FHOD3: variants seen among roughly 807,000 people sequenced by gnomAD.
FHOD3 encodes formin homology 2 domain containing 3.
In FHOD3, 90 loss-of-function variants were observed where a neutral mutation model predicts 173.0. That is an observed-to-expected ratio of 0.52 (90% CI 0.44 to 0.62). The LOEUF (loss-of-function observed/expected upper bound fraction) is 0.62. Ranked by LOEUF, FHOD3 falls within the 20% of genes least tolerant of loss-of-function variation. The pLI, the probability that FHOD3 is intolerant of heterozygous loss-of-function variation, is 0.00. For missense variants in FHOD3, 1,945 were observed against 2,034.7 expected (o/e 0.96, Z 0.85); for synonymous variants, 828 against 823.0 (o/e 1.01, Z -0.10).
chr18:36,512,904 G>A (rs1027509080), intron 5 of FHOD3, among the ~76,000 whole-genome samples: 2 of 152,162 alleles, frequency 1.3e-5, no homozygotes, highest in Admixed American at 1.3e-4. Context: ...ACCAAAGGGG[G>A]CAATTTATTT....
chr18:36,337,599 G>T (rs1300504961), intron 1 of FHOD3, among the ~76,000 whole-genome samples: 1 of 152,068 alleles, frequency 6.6e-6, no homozygotes, highest in African/African-American at 2.4e-5. Context: ...AAAGACTTGT[G>T]GTCCTCTGCT....
chr18:36,460,973 G>A (rs2052514591), intron 3 of FHOD3, among the ~76,000 whole-genome samples: 1 of 152,186 alleles, frequency 6.6e-6, no homozygotes, highest in Admixed American at 6.5e-5. Flanking sequence ...TGTTGGCAGT[G>A]GTAATTATGG....
At chr18:36,388,415 C>T (rs779181365) in intron 3 of FHOD3, among the ~76,000 whole-genome samples, 4 of 152,234 alleles carry the variant, frequency 2.6e-5, no homozygotes, top group Non-Finnish European at 4.4e-5. Flanking sequence ...CCCAGTCCCA[C>T]TGTGACTGTC....
intron 20 of FHOD3, among the ~76,000 whole-genome samples, chr18:36,732,692 C>CAG (rs1339612961): frequency 1.3e-5 from 2 of 152,084 alleles, no homozygotes; most frequent in Non-Finnish European, 2.9e-5. Context: ...CTGGGAGATA[C>CAG]AGAGAGAGAG....
intron 3 of FHOD3, among the ~76,000 whole-genome samples, chr18:36,416,113 A>C (rs1449876236): frequency 2.0e-5 from 3 of 152,002 alleles, no homozygotes; most frequent in Non-Finnish European, 4.4e-5. Flanking sequence ...GCTCACTGCA[A>C]CCTCTGCCTC....
intron 1 of FHOD3, among the ~76,000 whole-genome samples, chr18:36,326,226 A>C (rs1227367283): frequency 1.3e-5 from 2 of 152,266 alleles, no homozygotes; most frequent in Admixed American, 6.5e-5. Context: ...AGAAAGATTC[A>C]AATATGCCTG....
chr18:36,529,260 G>A (rs899817828), intron 5 of FHOD3, among the ~76,000 whole-genome samples: 1 of 152,190 alleles, frequency 6.6e-6, no homozygotes, highest in Non-Finnish European at 1.5e-5. Flanking sequence ...TTCCTTATCA[G>A]ACTGATAGGG....
chr18:36,513,575 T>C (rs2055781954), intron 5 of FHOD3, among the ~76,000 whole-genome samples: 2 of 152,288 alleles, frequency 1.3e-5, no homozygotes, highest in South Asian at 4.2e-4. Context: ...AAAAGTATGA[T>C]TTAATATCAG....
chr18:36,486,664 T>C (rs1474877758), intron 3 of FHOD3, among the ~76,000 whole-genome samples: 1 of 152,218 alleles, frequency 6.6e-6, no homozygotes, highest in Non-Finnish European at 1.5e-5. Flanking sequence ...GAATCAACCT[T>C]CCTTTTCTTT....
chr18:36,388,798 G>C (rs1482275917), intron 3 of FHOD3, among the ~76,000 whole-genome samples: 1 of 152,146 alleles, frequency 6.6e-6, no homozygotes, highest in Admixed American at 6.5e-5. Context: ...GGAGAATAAG[G>C]GTTTTCTAAA....
Position 36,603,798 on chromosome 18 carries a change from C to T in FHOD3, c.813+1030C>T, listed in dbSNP as rs2031725426. Among the ~76,000 whole-genome samples, 3 of 152,290 alleles carry T rather than the reference C, an allele frequency of 2.0e-5. No individual in the cohort carries two copies. In the South Asian group the frequency reaches 6.2e-4, roughly 32 times the overall value. ...GGATTACAGGCGTGAGCCACTGTGC[C>T]TGGCCAAAATTATTTTTTAAAATCA... On this transcript the variant is annotated intron_variant, in intron 8 of 28. Transcript: ENST00000590592.
intron 28 of FHOD3, 142 bp downstream of exon 28, chr18:36,769,568 A>AC: frequency 1.7e-6 from 2 of 1,173,334 alleles, no homozygotes; most frequent in Admixed American, 5.6e-5. Flanking sequence ...ATCCACAGAA[A>AC]GTTTCAGGGT....
intron 20 of FHOD3, among the ~76,000 whole-genome samples, chr18:36,737,751 A>G (rs2150010834): frequency 6.6e-6 from 1 of 152,346 alleles, no homozygotes; most frequent in Non-Finnish European, 1.5e-5. Context: ...TATCCCAGCC[A>G]GATACGTCCT....
chr18:36,773,542 C>T (rs533805222), intron 28 of FHOD3, among the ~76,000 whole-genome samples: 7 of 152,290 alleles, frequency 4.6e-5, no homozygotes, highest in East Asian at 1.9e-4. Flanking sequence ...TGGCCCTTAC[C>T]GTGTATCAGT....
intron 6 of FHOD3, among the ~76,000 whole-genome samples, chr18:36,580,342 G>C (rs999979959): frequency 6.6e-6 from 1 of 152,170 alleles, no homozygotes; most frequent in Admixed American, 6.5e-5. Flanking sequence ...TTTCCCAAAG[G>C]CAGGTCTAGA....
chr18:36,611,219 A>C (rs2032639143), intron 8 of FHOD3, among the ~76,000 whole-genome samples: 1 of 152,232 alleles, frequency 6.6e-6, no homozygotes. Context: ...GGATCTTAAC[A>C]GGAGTTTCTA....
At chr18:36,463,715 C>T (rs192864408) in intron 3 of FHOD3, among the ~76,000 whole-genome samples, 349 of 152,142 alleles carry the variant, frequency 2.3e-3, no homozygotes, top group Admixed American at 3.9e-3. Flanking sequence ...AGGCTGTTCT[C>T]GAACTCCTGT....
chr18:36,643,979 C>T (rs543126419), intron 10 of FHOD3, among the ~76,000 whole-genome samples: 13 of 152,196 alleles, frequency 8.5e-5, no homozygotes, highest in Admixed American at 2.6e-4. Context: ...TTTGGAAGCC[C>T]GAGAAACATG....
intron 22 of FHOD3, 61 bp from the exon 23 acceptor site, chr18:36,743,971 T>G: frequency 6.3e-7 from 1 of 1,580,024 alleles, no homozygotes; most frequent in Non-Finnish European, 8.7e-7. Context: ...ATCCTAACCA[T>G]CCTGTGCTAT....
Sources: gnomAD v4.1 joint callset for allele counts (sites outside exome capture counted in the v4.1 genomes callset) on GRCh38, gnomAD v4.1.1 for gene constraint, MANE v1.5 for transcripts, NCBI Gene and HGNC (gene_info 2026-07-23, HGNC 2026-07-21) for gene names.